The following CNTNAP2 variants were observed in gnomAD, a reference collection of about 807,000 sequenced individuals.
CNTNAP2 encodes contactin associated protein 2.
A neutral mutation model predicts 155.2 loss-of-function variants in CNTNAP2; 98 were observed. The ratio of observed to expected loss-of-function variants is 0.63; its 90% CI spans 0.54 to 0.75. The LOEUF (loss-of-function observed/expected upper bound fraction) is 0.75. Ranked by LOEUF, CNTNAP2 falls within the 30% of genes least tolerant of loss-of-function variation. The probability of loss-of-function intolerance (pLI) is 0.00; values close to 1 mark genes in which losing one functional copy is unlikely to be tolerated. For missense variants in CNTNAP2, 1,727 were observed against 1,688.1 expected (o/e 1.02, Z -0.40); for synonymous variants, 651 against 631.2 (o/e 1.03, Z -0.47).
At chr7:147,836,907 T>A (rs1798642951) in intron 13 of CNTNAP2, among the ~76,000 whole-genome samples, 1 of 152,210 alleles carries the variant, frequency 6.6e-6, no homozygotes, top group Admixed American at 6.5e-5. Context: ...TTTAGTAATG[T>A]CTTAATTTTT....
At chr7:147,818,879 A>G (rs1218495176) in intron 13 of CNTNAP2, among the ~76,000 whole-genome samples, 1 of 152,204 alleles carries the variant, frequency 6.6e-6, no homozygotes, top group Non-Finnish European at 1.5e-5. Flanking sequence ...CTTACTTCAG[A>G]GACAGGGAAG....
intron 13 of CNTNAP2, among the ~76,000 whole-genome samples, chr7:147,658,328 G>T (rs17327331): frequency 0.11 from 15,434 of 146,644 alleles, 1,421 homozygotes; most frequent in Middle Eastern, 0.23. Flanking sequence ...CAGATTCTTT[G>T]GGCAAAACTT....
At chr7:148,147,454 A>C in intron 16 of CNTNAP2, 37 bp from the exon 17 acceptor site, 1 of 1,598,330 alleles carries the variant, frequency 6.3e-7, no homozygotes, top group Non-Finnish European at 8.6e-7. Flanking sequence ...ATCTGGGAGA[A>C]AAATACTCAT....
chr7:147,315,973 A>G (rs1304745433), intron 9 of CNTNAP2, among the ~76,000 whole-genome samples: 2 of 151,990 alleles, frequency 1.3e-5, no homozygotes, highest in South Asian at 2.1e-4. Flanking sequence ...ATATGTGTGT[A>G]TACATATATA....
intron 2 of CNTNAP2, among the ~76,000 whole-genome samples, 200 bp downstream of exon 2, chr7:146,774,581 T>C (rs900980561): frequency 6.6e-6 from 1 of 152,088 alleles, no homozygotes; most frequent in African/African-American, 2.4e-5. Context: ...AAACTTAGGC[T>C]GGAAGTTAGA....
At chr7:148,142,336 C>G (rs1354205853) in intron 16 of CNTNAP2, among the ~76,000 whole-genome samples, 1 of 152,048 alleles carries the variant, frequency 6.6e-6, no homozygotes, top group East Asian at 1.9e-4. Flanking sequence ...TCTCATGACC[C>G]TTTCGTGTTA....
intron 3 of CNTNAP2, among the ~76,000 whole-genome samples, chr7:146,867,666 A>G (rs981850080): frequency 1.3e-5 from 2 of 151,830 alleles, no homozygotes; most frequent in Non-Finnish European, 2.9e-5. Flanking sequence ...TTTCTTCACA[A>G]CCTCATCAGC....
At chr7:147,618,074 A>T (rs1801325536) in intron 12 of CNTNAP2, among the ~76,000 whole-genome samples, 1 of 152,216 alleles carries the variant, frequency 6.6e-6, no homozygotes, top group Non-Finnish European at 1.5e-5. Flanking sequence ...AACAGACAAA[A>T]TTATTAAGAT....
At chr7:146,966,787 C>A (rs1797667172) in intron 3 of CNTNAP2, among the ~76,000 whole-genome samples, 2 of 152,148 alleles carry the variant, frequency 1.3e-5, no homozygotes, top group Admixed American at 1.3e-4. Flanking sequence ...GCAGAAAAAC[C>A]TTTTCTGTAC....
At chr7:146,202,996 T>G (rs1798889981) in intron 1 of CNTNAP2, among the ~76,000 whole-genome samples, 1 of 147,136 alleles carries the variant, frequency 6.8e-6, no homozygotes, top group Admixed American at 6.7e-5. Flanking sequence ...CTACAAGCCT[T>G]TGGTTAGTTT....
At chr7:146,207,819 A>C (rs575820053) in intron 1 of CNTNAP2, among the ~76,000 whole-genome samples, 1 of 152,110 alleles carries the variant, frequency 6.6e-6, no homozygotes, top group South Asian at 2.1e-4. Context: ...ATTAGATGAA[A>C]GTCTGCATTA....
rs1800042603 is a variant in CNTNAP2 at position 148,418,459 on chromosome 7, CTG to C, written c.*2845_*2846del. 6.6e-6 allele frequency: 1 copy of C among 152,224 alleles called. No homozygotes were observed. Among genetic ancestry groups the C allele is most frequent in the Non-Finnish European group, 1.5e-5 (1 of 68,028 alleles). 9.4% of individuals were successfully genotyped at this position (152,224 alleles called of 1,614,324 possible). On this transcript the variant is annotated 3_prime_UTR_variant, in exon 24 of 24. Coordinates refer to ENST00000361727, the MANE Select transcript of CNTNAP2 (RefSeq NM_014141.6). ...GACAACAACAACGACAAAAAATAGA[CTG>C]TTTTAAAGTTTCAGGGAAAGTTGGT...
chr7:147,244,364 C>A (rs1230639875), intron 8 of CNTNAP2, among the ~76,000 whole-genome samples: 1 of 152,146 alleles, frequency 6.6e-6, no homozygotes, highest in Non-Finnish European at 1.5e-5. Context: ...AAGGAGTAGA[C>A]TTTACTAAGC....
intron 1 of CNTNAP2, among the ~76,000 whole-genome samples, chr7:146,387,708 T>A (rs747654259): frequency 6.6e-5 from 10 of 152,132 alleles, no homozygotes; most frequent in Non-Finnish European, 1.3e-4. Flanking sequence ...TTCTTTGGCA[T>A]CTATGTTTCT....
At position 147,251,893 on chromosome 7, in the gene CNTNAP2, A is replaced by G. The variant is rs1463062916; in HGVS notation, c.1349-48248A>G. Among the ~76,000 whole-genome samples the G allele has an allele frequency of 2.6e-5, 4 of 152,334 alleles. No homozygotes were observed. In the East Asian group the frequency reaches 5.8e-4, roughly 22 times the overall value. On this transcript the variant is annotated intron_variant, in intron 8 of 23. Coordinates refer to ENST00000361727, the MANE Select transcript of CNTNAP2 (RefSeq NM_014141.6). Reference sequence around the variant, plus strand: ...AAAGATGCAGATGTTTTAAATCAAGAAAGTTGGACAAGTTTGTTCCTAATA... The same window carrying G: ...AAAGATGCAGATGTTTTAAATCAAGGAAGTTGGACAAGTTTGTTCCTAATA...
rs529249089 is a variant in CNTNAP2 at position 147,749,277 on chromosome 7, G to A, written c.2098+109971G>A. ...GAGAACATTTTGGCATATGATTAAA[G>A]CAGTCTACAAAAGTTACAAAAGTTT... On this transcript the variant is annotated intron_variant, in intron 13 of 23. Transcript: ENST00000361727. Among the ~76,000 whole-genome samples, 8 of 152,246 alleles carry A rather than the reference G, an allele frequency of 5.3e-5. No individual in the cohort carries two copies. The East Asian group carries it at 1.4e-3, about 26-fold the overall frequency.
At chr7:146,435,458 C>T (rs943256793) in intron 1 of CNTNAP2, among the ~76,000 whole-genome samples, 1 of 152,048 alleles carries the variant, frequency 6.6e-6, no homozygotes, top group Non-Finnish European at 1.5e-5. Context: ...CCTTTGTAAG[C>T]GTAGAGTTTG....
chr7:147,422,894 A>G (rs1797318698), intron 10 of CNTNAP2, among the ~76,000 whole-genome samples: 1 of 152,220 alleles, frequency 6.6e-6, no homozygotes, highest in South Asian at 2.1e-4. Flanking sequence ...CCAATTGCAA[A>G]TATCTAATGA....
At chr7:147,334,167 A>G (rs184877026) in intron 9 of CNTNAP2, among the ~76,000 whole-genome samples, 1 of 152,104 alleles carries the variant, frequency 6.6e-6, no homozygotes, top group Non-Finnish European at 1.5e-5. Context: ...CAACACTTCT[A>G]TTCTCCCCTT....
Sources: allele counts gnomAD v4.1 joint callset (sites outside exome capture counted in the v4.1 genomes callset), GRCh38; gene constraint gnomAD v4.1.1; transcripts MANE v1.5; gene names NCBI Gene and HGNC (gene_info 2026-07-23, HGNC 2026-07-21).